The following LINGO1 variants were observed in gnomAD, a reference collection of about 807,000 sequenced individuals.
LINGO1 encodes leucine rich repeat and Ig domain containing 1.
In LINGO1, 11 loss-of-function variants were observed where a neutral mutation model predicts 37.3. That is an observed-to-expected ratio of 0.29 (90% CI 0.19 to 0.49). LINGO1 has a LOEUF of 0.49. Among genes scored for constraint, LINGO1 ranks in the 20% least tolerant of loss-of-function variants. The pLI, the probability that LINGO1 is intolerant of heterozygous loss-of-function variation, is 0.99. For missense variants in LINGO1, 585 were observed against 878.2 expected (o/e 0.67, Z 4.22); for synonymous variants, 387 against 403.0 (o/e 0.96, Z 0.48).
At chr15:77,773,174 G>A (rs979816357) in intron 1 of LINGO1, among the ~76,000 whole-genome samples, 1 of 152,206 alleles carries the variant, frequency 6.6e-6, no homozygotes, top group Non-Finnish European at 1.5e-5. Context: ...ATCCTATAAG[G>A]CCTCAGTCTC....
chr15:77,786,549 G>A (rs557072332), intron 1 of LINGO1, among the ~76,000 whole-genome samples: 3 of 152,306 alleles, frequency 2.0e-5, no homozygotes, highest in South Asian at 2.1e-4. Context: ...TTACACAGAC[G>A]GCCTCGGCTG....
intron 3 of LINGO1, among the ~76,000 whole-genome samples, chr15:77,666,156 T>C (rs967153951): frequency 1.3e-5 from 2 of 152,228 alleles, no homozygotes; most frequent in Non-Finnish European, 2.9e-5. Flanking sequence ...GACATGAACA[T>C]GTGGACATCT....
chr15:77,748,845 G>A (rs1228406003), intron 1 of LINGO1, among the ~76,000 whole-genome samples: 1 of 150,100 alleles, frequency 6.7e-6, no homozygotes, highest in Non-Finnish European at 1.5e-5. Flanking sequence ...CACAGTGACT[G>A]GCCCCTAGCC....
chr15:77,659,655 G>C (rs2074944582), intron 3 of LINGO1, among the ~76,000 whole-genome samples: 1 of 152,182 alleles, frequency 6.6e-6, no homozygotes, highest in African/African-American at 2.4e-5. Flanking sequence ...GTAGTGGATG[G>C]GGAGAAGCAA....
rs115761481 is a variant in LINGO1, at chr15:77,707,024, T to C, written c.-194-16123A>G. 5.2e-3 allele frequency among the ~76,000 whole-genome samples: 796 copies of C among 152,288 alleles called. 11 individuals carry two copies. The highest frequency in any genetic ancestry group is 0.019 in the African/African-American group (773 of 41,540). ...CACACGGATTCCCTGTAGAAGACAGTACAGCTAGGGACTGAGCAGAGAAGG... is the reference window on the plus strand; with the variant it reads ...CACACGGATTCCCTGTAGAAGACAGCACAGCTAGGGACTGAGCAGAGAAGG... On this transcript the variant is annotated intron_variant, in intron 2 of 3. Transcript: ENST00000561686.
chr15:77,692,775 C>T (rs2075626435), intron 1 of LINGO1, among the ~76,000 whole-genome samples: 1 of 152,208 alleles, frequency 6.6e-6, no homozygotes, highest in East Asian at 1.9e-4. Context: ...CTCCAGGGCC[C>T]CTGCTGCCTG....
At chr15:77,634,377 C>CA (rs151305296), upstream of LINGO1, 1,045 of 455,758 alleles carry the variant, frequency 2.3e-3, 6 homozygotes, top group African/African-American at 0.019. Flanking sequence ...TCTCCTATGT[C>CA]TATGCCCATC....
chr15:77,725,614 TC>T (rs1385495798), intron 2 of LINGO1, among the ~76,000 whole-genome samples: 2 of 152,062 alleles, frequency 1.3e-5, no homozygotes. Context: ...CCTCACAACT[TC>T]CCTGAGAAAG....
chr15:77,697,690 A>G (rs2141265421), upstream of LINGO1, among the ~76,000 whole-genome samples: 1 of 152,346 alleles, frequency 6.6e-6, no homozygotes, highest in African/African-American at 2.4e-5. Flanking sequence ...GAGAGATGAC[A>G]ACTCGGGTGC....
chr15:77,627,909 T>A (rs2074141899), intron 1 of LINGO1, among the ~76,000 whole-genome samples: 1 of 152,212 alleles, frequency 6.6e-6, no homozygotes, highest in Non-Finnish European at 1.5e-5. Context: ...GGATGACTGC[T>A]TAGTGAGCAC....
intron 2 of LINGO1, among the ~76,000 whole-genome samples, chr15:77,712,486 G>A (rs1315278449): frequency 6.6e-6 from 1 of 152,134 alleles, no homozygotes; most frequent in Non-Finnish European, 1.5e-5. Context: ...ATAGCTGGGA[G>A]GCCAAATACA....
chr15:77,742,192 C>T (rs1337965552), intron 1 of LINGO1, among the ~76,000 whole-genome samples: 1 of 152,220 alleles, frequency 6.6e-6, no homozygotes, highest in South Asian at 2.1e-4. Context: ...GAGAAGCTGT[C>T]GGGGACACGT....
upstream of LINGO1, among the ~76,000 whole-genome samples, chr15:77,699,737 C>CTGT (rs2075754898): frequency 8.8e-4 from 1 of 1,134 alleles, no homozygotes; most frequent in Admixed American, 0.012. Flanking sequence ...CACATACTAA[C>CTGT]CATCACCTGC....
At chr15:77,753,815 C>T (rs922511466) in intron 1 of LINGO1, among the ~76,000 whole-genome samples, 2 of 152,208 alleles carry the variant, frequency 1.3e-5, no homozygotes, top group Admixed American at 1.3e-4. Context: ...GCCTTACAGG[C>T]GTGAAGTTTG....
rs570993002 is a variant in LINGO1 at position 77,729,803 on chromosome 15, C to T, written c.-195+5189G>A. ...ATTCTGACTACCAGGAATCATAGAA[C>T]CAACTATTCAGCCCAAGATTGGACC... On this transcript the variant is annotated intron_variant, in intron 2 of 3. Transcript: ENST00000561686. Among the ~76,000 whole-genome samples the T allele has an allele frequency of 5.3e-5, 8 of 152,318 alleles. No individual in the cohort carries two copies. The East Asian group carries it at 1.5e-3, about 29-fold the overall frequency.
Position 77,613,820 on chromosome 15 carries a change from C to A in LINGO1, c.*224G>T. On this transcript the variant is annotated 3_prime_UTR_variant, in exon 2 of 2. Transcript: ENST00000355300. ...GCTTTCAACTCCAGTCTGTCAATGC[C>A]CCTGTGTAGGTGGGGTCCCCAGGTC... 1 of 570,320 alleles carries A rather than the reference C, an allele frequency of 1.8e-6. No individual in the cohort carries two copies. Among genetic ancestry groups the A allele is most frequent in the East Asian group, 2.8e-5 (1 of 35,730 alleles). 35.3% of individuals were successfully genotyped at this position (570,320 alleles called of 1,614,324 possible).
intron 3 of LINGO1, among the ~76,000 whole-genome samples, chr15:77,650,029 G>A (rs2074725039): frequency 6.6e-6 from 1 of 152,248 alleles, no homozygotes; most frequent in African/African-American, 2.4e-5. Flanking sequence ...TGGAAAATGG[G>A]AGAGGTGATA....
rs1158748432 is a variant in LINGO1 at position 77,805,090 on chromosome 15, G to A, written c.-457-9037C>T. On this transcript the variant is annotated intron_variant, in intron 1 of 5. Coordinates refer to the LINGO1 transcript ENST00000562933. The stretch of plus-strand genomic sequence containing the variant: ...GATCCCAGGCCTTGCACCCTGGGCT[G>A]GGCTTACTCTGGGCACCAATGCACC... Among the ~76,000 whole-genome samples, 4 of 152,208 alleles carry A rather than the reference G, an allele frequency of 2.6e-5. No homozygotes were observed. The East Asian group carries it at 7.7e-4, about 29-fold the overall frequency.
At chr15:77,710,272 G>A (rs1224514807) in intron 2 of LINGO1, among the ~76,000 whole-genome samples, 1 of 152,230 alleles carries the variant, frequency 6.6e-6, no homozygotes, top group Non-Finnish European at 1.5e-5. Flanking sequence ...TGAAGCAGGA[G>A]CATGGCCAAG....
Sources: gnomAD v4.1 joint callset for allele counts (sites outside exome capture counted in the v4.1 genomes callset) on GRCh38, gnomAD v4.1.1 for gene constraint, MANE v1.5 for transcripts, NCBI Gene and HGNC (gene_info 2026-07-23, HGNC 2026-07-21) for gene names.